The following IPCEF1 variants were observed in gnomAD, a reference collection of about 807,000 sequenced individuals.
The protein encoded by IPCEF1 is interaction protein for cytohesin exchange factors 1.
IPCEF1 carries 31 observed loss-of-function variants against 50.9 expected under a neutral mutation model. The ratio of observed to expected loss-of-function variants is 0.61; its 90% CI spans 0.46 to 0.82. The LOEUF is 0.82. IPCEF1 is among the 40% of genes least tolerant of loss of function. The probability of loss-of-function intolerance (pLI) is 0.00; values close to 1 mark genes in which losing one functional copy is unlikely to be tolerated. For synonymous variants in IPCEF1, 181 were observed against 192.0 expected (o/e 0.94, Z 0.47); for missense variants, 458 against 514.0 (o/e 0.89, Z 1.05).
intron 10 of IPCEF1, among the ~76,000 whole-genome samples, chr6:154,196,758 A>T (rs986782701): frequency 2.0e-5 from 3 of 152,222 alleles, no homozygotes; most frequent in Non-Finnish European, 1.5e-5. Flanking sequence ...TGCTTTGTGA[A>T]AATAATCAGT....
At chr6:154,214,631 T>G (rs1778237013) in intron 7 of IPCEF1, among the ~76,000 whole-genome samples, 1 of 152,216 alleles carries the variant, frequency 6.6e-6, no homozygotes, top group Non-Finnish European at 1.5e-5. Context: ...ACTTGGCTAT[T>G]AAAGTTATTA....
chr6:154,291,643 C>T (rs1417260393), intron 1 of IPCEF1, among the ~76,000 whole-genome samples: 1 of 151,732 alleles, frequency 6.6e-6, no homozygotes, highest in African/African-American at 2.4e-5. Context: ...AGCAATGATC[C>T]CACTATAGTT....
chr6:154,188,497 T>A (rs1801580581), intron 10 of IPCEF1, among the ~76,000 whole-genome samples: 1 of 152,254 alleles, frequency 6.6e-6, no homozygotes, highest in East Asian at 1.9e-4. Flanking sequence ...TATGCACGCA[T>A]GTGCATGTGT....
intron 5 of IPCEF1, among the ~76,000 whole-genome samples, chr6:154,229,926 C>T (rs1445219420): frequency 2.0e-5 from 3 of 152,128 alleles, no homozygotes; most frequent in Non-Finnish European, 4.4e-5. Context: ...CATGGATGAA[C>T]CCTGAAAACA....
At chr6:154,316,460 C>T (rs1783220804) in intron 1 of IPCEF1, among the ~76,000 whole-genome samples, 1 of 152,154 alleles carries the variant, frequency 6.6e-6, no homozygotes, top group South Asian at 2.1e-4. Context: ...GAAATTCTGT[C>T]ATTTGCAACA....
chr6:154,323,461 G>GGTATTTACAAATAAATGTTTATTTA (rs1783440727), intron 1 of IPCEF1, among the ~76,000 whole-genome samples: 1 of 148,544 alleles, frequency 6.7e-6, no homozygotes, highest in Non-Finnish European at 1.5e-5. Flanking sequence ...ACATTTCTTT[G>GGTATTTACAAATAAATGTTTATTTA]GTATTTACAA....
In IPCEF1 at chr6:154,252,567, C is replaced by T. The variant is rs546473155; in HGVS notation, c.37-5079G>A. ...GTGGGCACCTGTAATCCCAGCTACT[C>T]GGGAGACTGAGGCAGGAGAACTGCT... On this transcript the variant is annotated intron_variant, in intron 3 of 11. Coordinates refer to ENST00000367220, the MANE Select transcript of IPCEF1 (RefSeq NM_001130700.2). Among the ~76,000 whole-genome samples, 46 of 152,086 alleles carry T rather than the reference C, an allele frequency of 3.0e-4. No individual in the cohort carries two copies. The South Asian group carries it at 8.1e-3, about 27-fold the overall frequency.
intron 1 of IPCEF1, among the ~76,000 whole-genome samples, chr6:154,315,623 G>A (rs1025754606): frequency 1.3e-5 from 2 of 152,062 alleles, no homozygotes; most frequent in African/African-American, 2.4e-5. Flanking sequence ...ACTAAGTCCC[G>A]GATTTTATCT....
chr6:154,272,132 T>C lies in IPCEF1; in HGVS notation c.-17-6168A>G, dbSNP rs549969256. On this transcript the variant is annotated intron_variant, in intron 2 of 11. Coordinates refer to ENST00000367220, the MANE Select transcript of IPCEF1 (RefSeq NM_001130700.2). The stretch of plus-strand genomic sequence containing the variant: ...CAAATGCCTCCTCTTTGAATAATAA[T>C]AACCAACTCATAAGGTGTTTGTGAG... Among the ~76,000 whole-genome samples, 26 of 152,228 alleles carry C rather than the reference T, an allele frequency of 1.7e-4. 1 individual carries two copies. Among genetic ancestry groups the C allele is most frequent in the Non-Finnish European group, 3.5e-4 (24 of 68,044 alleles).
At chr6:154,229,589 C>G (rs1779564683) in intron 5 of IPCEF1, among the ~76,000 whole-genome samples, 1 of 151,962 alleles carries the variant, frequency 6.6e-6, no homozygotes, top group African/African-American at 2.4e-5. Context: ...ATCTCCTGAC[C>G]TCATGATCTG....
chr6:154,237,877 T>G (rs888666482), intron 5 of IPCEF1, among the ~76,000 whole-genome samples: 16 of 152,182 alleles, frequency 1.1e-4, no homozygotes, highest in Non-Finnish European at 1.9e-4. Flanking sequence ...TGTCAATACT[T>G]ATACATTTAT....
intron 1 of IPCEF1, among the ~76,000 whole-genome samples, chr6:154,332,766 A>G (rs750654371): frequency 1.3e-5 from 2 of 152,180 alleles, no homozygotes; most frequent in Non-Finnish European, 2.9e-5. Context: ...CACTTAGTGA[A>G]TGAGGCTCAA....
chr6:154,161,438 TTA>T (rs1180397148), intron 11 of IPCEF1, among the ~76,000 whole-genome samples: 1 of 152,072 alleles, frequency 6.6e-6, no homozygotes, highest in East Asian at 1.9e-4. Flanking sequence ...CTCAAACTCC[TTA>T]AACCTCAAGT....
intron 9 of IPCEF1, among the ~76,000 whole-genome samples, chr6:154,205,591 G>A (rs1423723633): frequency 6.6e-6 from 1 of 152,044 alleles, no homozygotes; most frequent in Non-Finnish European, 1.5e-5. Flanking sequence ...GTAAGACTCT[G>A]TTTCAAAATA....
At chr6:154,170,311 G>A (rs1026881133) in intron 10 of IPCEF1, among the ~76,000 whole-genome samples, 3 of 152,158 alleles carry the variant, frequency 2.0e-5, no homozygotes, top group Admixed American at 6.5e-5. Flanking sequence ...TAGAAAGTAT[G>A]GCATTAGAGG....
At chr6:154,281,749 T>C (rs982470963) in intron 2 of IPCEF1, among the ~76,000 whole-genome samples, 7 of 152,112 alleles carry the variant, frequency 4.6e-5, no homozygotes, top group Non-Finnish European at 8.8e-5. Flanking sequence ...ACGCCTGTAA[T>C]CTCAGCACTT....
intron 5 of IPCEF1, among the ~76,000 whole-genome samples, chr6:154,235,743 G>C (rs1780079639): frequency 6.6e-6 from 1 of 152,098 alleles, no homozygotes; most frequent in South Asian, 2.1e-4. Flanking sequence ...AATGGCAAAA[G>C]ACATTTCTCC....
chr6:154,324,884 G>T (rs1012528541), intron 1 of IPCEF1, among the ~76,000 whole-genome samples: 4 of 151,584 alleles, frequency 2.6e-5, no homozygotes, highest in Non-Finnish European at 5.9e-5. Context: ...ACGTTTGAGG[G>T]TTTTTTTCCA....
At chr6:154,244,284 C>T (rs1780838964) in intron 5 of IPCEF1, among the ~76,000 whole-genome samples, 1 of 120,420 alleles carries the variant, frequency 8.3e-6, no homozygotes, top group Non-Finnish European at 1.7e-5. Flanking sequence ...AATTAAGATT[C>T]GGTGTGTGTG....
Sources: gnomAD v4.1 joint callset for allele counts (sites outside exome capture counted in the v4.1 genomes callset) on GRCh38, gnomAD v4.1.1 for gene constraint, MANE v1.5 for transcripts, NCBI Gene and HGNC (gene_info 2026-07-23, HGNC 2026-07-21) for gene names.